Variants in CTNND2 observed in about 807,000 individuals in gnomAD.
CTNND2 encodes catenin delta 2, also known as catenin delta-2.
CTNND2 carries 22 observed loss-of-function variants against 144.4 expected under a neutral mutation model. That is an observed-to-expected ratio of 0.15 (90% CI 0.11 to 0.22). CTNND2 has a LOEUF of 0.22. Among genes scored for constraint, CTNND2 ranks in the 10% least tolerant of loss-of-function variants. The probability of loss-of-function intolerance (pLI) is 1.00; values close to 1 mark genes in which losing one functional copy is unlikely to be tolerated. For synonymous variants in CTNND2, 751 were observed against 695.6 expected, an observed-to-expected ratio of 1.08 and a Z score of -1.25; for missense variants, 1,353 against 1,618.8, an observed-to-expected ratio of 0.84 and a Z score of 2.82.
chr5:11,600,778 C>T (rs915071487), intron 2 of CTNND2, among the ~76,000 whole-genome samples: 1 of 151,512 alleles, frequency 6.6e-6, no homozygotes, highest in Non-Finnish European at 1.5e-5. Flanking sequence ...CAGAACACTC[C>T]CAGACAACGA....
chr5:11,667,984 G>A (rs1017899745), intron 2 of CTNND2, among the ~76,000 whole-genome samples: 5 of 152,130 alleles, frequency 3.3e-5, no homozygotes, highest in Non-Finnish European at 5.9e-5. Context: ...TCTGCATATG[G>A]CTACCCAGTT....
intron 6 of CTNND2, chr5:11,386,141 T>A: frequency 6.6e-6 from 1 of 152,192 alleles, no homozygotes; most frequent in Admixed American, 6.5e-5. Context: ...AAATTTGCAT[T>A]CGAATGAAAA....
At chr5:11,484,497 T>A (rs947626281) in intron 3 of CTNND2, among the ~76,000 whole-genome samples, 1 of 152,160 alleles carries the variant, frequency 6.6e-6, no homozygotes, top group Non-Finnish European at 1.5e-5. Context: ...ATTTCTGTAC[T>A]AAGAAAAACA....
At chr5:11,054,200 A>G (rs1016459686) in intron 16 of CTNND2, among the ~76,000 whole-genome samples, 17 of 152,336 alleles carry the variant, frequency 1.1e-4, no homozygotes, top group Non-Finnish European at 2.4e-4. Flanking sequence ...CACGAGGACA[A>G]TGATGGCAGT....
chr5:11,504,202 T>A (rs944700369), intron 3 of CTNND2, among the ~76,000 whole-genome samples: 7 of 152,104 alleles, frequency 4.6e-5, no homozygotes, highest in African/African-American at 1.2e-4. Flanking sequence ...AACCCCACCC[T>A]CTCCAGGGGA....
chr5:11,833,356 G>GA (rs1030897441), intron 1 of CTNND2, among the ~76,000 whole-genome samples: 3 of 151,986 alleles, frequency 2.0e-5, no homozygotes, highest in African/African-American at 4.8e-5. Context: ...TATGCTGAGT[G>GA]AAAAAAGCCA....
intron 2 of CTNND2, among the ~76,000 whole-genome samples, chr5:11,653,556 T>C (rs1285510201): frequency 1.3e-5 from 2 of 152,158 alleles, no homozygotes; most frequent in Non-Finnish European, 2.9e-5. Flanking sequence ...TCTATGCAGT[T>C]ACTTTGGTCA....
chr5:11,635,970 T>C (rs1369603166), intron 2 of CTNND2, among the ~76,000 whole-genome samples: 4 of 152,126 alleles, frequency 2.6e-5, no homozygotes, highest in South Asian at 2.1e-4. Context: ...TCCAGTCTAA[T>C]AGAAATTGTT....
intron 3 of CTNND2, among the ~76,000 whole-genome samples, chr5:11,423,609 T>C (rs538126005): frequency 1.2e-4 from 18 of 152,322 alleles, no homozygotes; most frequent in East Asian, 5.8e-4. Context: ...TGTGATTCTA[T>C]GTGTGATATT....
intron 3 of CTNND2, among the ~76,000 whole-genome samples, chr5:11,491,685 C>T (rs1769403352): frequency 6.6e-6 from 1 of 152,214 alleles, no homozygotes; most frequent in African/African-American, 2.4e-5. Context: ...TGCCCGTCAT[C>T]ACAGTTACAT....
chr5:11,503,472 CT>C (rs1770726577), intron 3 of CTNND2, among the ~76,000 whole-genome samples: 1 of 152,162 alleles, frequency 6.6e-6, no homozygotes, highest in African/African-American at 2.4e-5. Flanking sequence ...TAAACTTCTG[CT>C]TTCAGCTTTT....
chr5:11,323,532 G>A (rs1314614368), intron 9 of CTNND2, among the ~76,000 whole-genome samples: 1 of 152,186 alleles, frequency 6.6e-6, no homozygotes, highest in Non-Finnish European at 1.5e-5. Flanking sequence ...AGGACTTGAA[G>A]ATGATGCTAG....
chr5:11,242,269 G>A (rs375025471), intron 9 of CTNND2, among the ~76,000 whole-genome samples: 1 of 152,082 alleles, frequency 6.6e-6, no homozygotes, highest in Non-Finnish European at 1.5e-5. Context: ...AAACCTTAAC[G>A]AACATTGTGT....
intron 8 of CTNND2, among the ~76,000 whole-genome samples, chr5:11,350,324 C>T (rs1197345608): frequency 1.3e-5 from 2 of 151,592 alleles, no homozygotes; most frequent in Non-Finnish European, 2.9e-5. Context: ...AAAAATTATG[C>T]CAAATAAACC....
chr5:11,691,591 A>C (rs904515799), intron 2 of CTNND2, among the ~76,000 whole-genome samples: 1 of 151,896 alleles, frequency 6.6e-6, no homozygotes, highest in Non-Finnish European at 1.5e-5. Context: ...TTTTAAAAGA[A>C]ACTTTAAATA....
intron 7 of CTNND2, among the ~76,000 whole-genome samples, chr5:11,367,640 T>C (rs1757102583): frequency 1.3e-5 from 2 of 152,168 alleles, no homozygotes; most frequent in Admixed American, 1.3e-4. Flanking sequence ...GTTATTATAA[T>C]AAGAAAAAAT....
At chr5:11,449,211 T>G (rs995988349) in intron 3 of CTNND2, among the ~76,000 whole-genome samples, 5 of 152,222 alleles carry the variant, frequency 3.3e-5, no homozygotes, top group African/African-American at 1.2e-4. Flanking sequence ...TATCATTCCT[T>G]TATTTCAAGG....
In CTNND2 at chr5:11,249,862, C is replaced by T. The variant is rs902567885; in HGVS notation, c.1629-13039G>A. On this transcript the variant is annotated intron_variant, in intron 9 of 21. Coordinates refer to ENST00000304623, the MANE Select transcript of CTNND2 (RefSeq NM_001332.4). The stretch of plus-strand genomic sequence containing the variant: ...TTAGTGTCCATGTCAAAAAAAAAAA[C>T]CAAAACACACTCATCTATGTGTATT... 2.7e-5 allele frequency among the ~76,000 whole-genome samples: 4 copies of T among 149,524 alleles called. No homozygotes were observed. The South Asian group carries it at 6.3e-4, about 24-fold the overall frequency.
intron 5 of CTNND2, among the ~76,000 whole-genome samples, chr5:11,401,737 A>G (rs925344344): frequency 6.6e-6 from 1 of 152,198 alleles, no homozygotes; most frequent in African/African-American, 2.4e-5. Flanking sequence ...GGATCCATTA[A>G]CTGAAACCTC....
Sources: gnomAD v4.1 joint callset for allele counts (sites outside exome capture counted in the v4.1 genomes callset) on GRCh38, gnomAD v4.1.1 for gene constraint, MANE v1.5 for transcripts, NCBI Gene and HGNC (gene_info 2026-07-23, HGNC 2026-07-21) for gene names.